SIPA1L1: variants seen among roughly 807,000 people sequenced by gnomAD.
The protein encoded by SIPA1L1 is signal induced proliferation associated 1 like 1.
SIPA1L1 carries 26 observed loss-of-function variants against 162.7 expected under a neutral mutation model. The observed-to-expected ratio is 0.16, with a 90% CI of 0.12 to 0.22. SIPA1L1 has a LOEUF of 0.22. Among genes scored for constraint, SIPA1L1 ranks in the 10% least tolerant of loss-of-function variants. The probability of loss-of-function intolerance (pLI) is 1.00; values close to 1 mark genes in which losing one functional copy is unlikely to be tolerated. For synonymous variants in SIPA1L1, 829 were observed against 837.4 expected (o/e 0.99, Z 0.17); for missense variants, 1,874 against 2,241.0 (o/e 0.84, Z 3.31).
intron 2 of SIPA1L1, among the ~76,000 whole-genome samples, chr14:71,323,658 C>T (rs985085476): frequency 6.6e-6 from 1 of 152,052 alleles, no homozygotes; most frequent in Non-Finnish European, 1.5e-5. Context: ...TGGATCAAAT[C>T]ATGGAAGTTC....
At chr14:71,541,403 A>G (rs149640945) in intron 4 of SIPA1L1, among the ~76,000 whole-genome samples, 209 of 152,334 alleles carry the variant, frequency 1.4e-3, no homozygotes, top group Non-Finnish European at 2.5e-3. Context: ...ACTTGTTAAA[A>G]GTAGCAAAAC....
intron 4 of SIPA1L1, among the ~76,000 whole-genome samples, chr14:71,541,383 A>G (rs1216744788): frequency 6.6e-6 from 1 of 152,244 alleles, no homozygotes; most frequent in Non-Finnish European, 1.5e-5. Context: ...AAAGACCCAA[A>G]TGCATAGTTA....
chr14:71,357,074 G>C (rs545942672), intron 2 of SIPA1L1, among the ~76,000 whole-genome samples: 21 of 152,212 alleles, frequency 1.4e-4, no homozygotes, highest in African/African-American at 5.1e-4. Flanking sequence ...ATGTGTTAGA[G>C]ACAGGGTCTT....
chr14:71,530,648 A>G (rs148120274), intron 4 of SIPA1L1, among the ~76,000 whole-genome samples: 209 of 152,304 alleles, frequency 1.4e-3, no homozygotes, highest in Non-Finnish European at 2.5e-3. Context: ...TCAACACTCT[A>G]TAGAGAAATC....
At chr14:71,505,042 G>A (rs1192519932) in intron 2 of SIPA1L1, among the ~76,000 whole-genome samples, 1 of 152,140 alleles carries the variant, frequency 6.6e-6, no homozygotes, top group Non-Finnish European at 1.5e-5. Context: ...GAGCCATTTT[G>A]TAGTTTTCAT....
At chr14:71,423,630 A>G (rs906925549) in intron 2 of SIPA1L1, among the ~76,000 whole-genome samples, 1 of 152,084 alleles carries the variant, frequency 6.6e-6, no homozygotes, top group Non-Finnish European at 1.5e-5. Flanking sequence ...ATGTATGCAA[A>G]AGCTTATTCT....
intron 4 of SIPA1L1, among the ~76,000 whole-genome samples, chr14:71,551,646 A>G (rs150103617): frequency 1.4e-3 from 218 of 152,318 alleles, no homozygotes; most frequent in Non-Finnish European, 2.2e-3. Flanking sequence ...GTGATGTGGA[A>G]CCTGCAACCT....
At chr14:71,620,296 C>T (rs1468542678) in intron 6 of SIPA1L1, among the ~76,000 whole-genome samples, 4 of 152,012 alleles carry the variant, frequency 2.6e-5, no homozygotes, top group South Asian at 4.2e-4. Context: ...CTCGAACTCC[C>T]GACCTCAGGT....
intron 10 of SIPA1L1, among the ~76,000 whole-genome samples, chr14:71,669,219 C>A (rs541123569): frequency 6.6e-6 from 1 of 152,168 alleles, no homozygotes; most frequent in Non-Finnish European, 1.5e-5. Context: ...GGATTCAGTT[C>A]TTTTCCTCAC....
At chr14:71,693,687 C>G (rs966313346) in intron 13 of SIPA1L1, among the ~76,000 whole-genome samples, 1 of 151,870 alleles carries the variant, frequency 6.6e-6, no homozygotes, top group African/African-American at 2.4e-5. Flanking sequence ...ATTACATCAC[C>G]TTGAATTGTT....
chr14:71,420,466 C>T (rs1262769724), intron 2 of SIPA1L1, among the ~76,000 whole-genome samples: 5 of 152,316 alleles, frequency 3.3e-5, no homozygotes, highest in Admixed American at 2.6e-4. Context: ...ACCAAAGCAA[C>T]TCATCTTTGT....
chr14:71,330,771 C>G, intron 2 of SIPA1L1: 1 of 763,514 alleles, frequency 1.3e-6, no homozygotes, highest in Non-Finnish European at 2.4e-6. Flanking sequence ...CGGGCAAGGC[C>G]CAGTGGGCTG....
At chr14:71,605,460 G>A (rs2037376458) in intron 5 of SIPA1L1, among the ~76,000 whole-genome samples, 1 of 151,994 alleles carries the variant, frequency 6.6e-6, no homozygotes, top group Admixed American at 6.6e-5. Flanking sequence ...TGGTTTCTAT[G>A]TCCTTACATT....
At position 71,593,622 on chromosome 14, in the gene SIPA1L1, TGAG is replaced by T. The variant is rs527600573; in HGVS notation, c.1498+4259_1498+4261del. ...GTTGCCTATATCCTGCATAGCTTGT[TGAG>T]GAGGAGACCCTTTCCAAGCCATTAC... On this transcript the variant is annotated intron_variant, in intron 5 of 23. Coordinates refer to ENST00000381232, the MANE Select transcript of SIPA1L1 (RefSeq NM_001386936.1). 2.0e-4 allele frequency among the ~76,000 whole-genome samples: 31 copies of T among 152,330 alleles called. No homozygotes were observed. The East Asian group carries it at 4.6e-3, about 23-fold the overall frequency.
intron 2 of SIPA1L1, among the ~76,000 whole-genome samples, chr14:71,511,472 A>G (rs949050836): frequency 6.0e-5 from 9 of 151,224 alleles, no homozygotes; most frequent in African/African-American, 1.2e-4. Context: ...TTTTTTTTGC[A>G]GAGTTGGGGT....
intron 10 of SIPA1L1, among the ~76,000 whole-genome samples, chr14:71,664,264 A>G (rs546941987): frequency 1.6e-4 from 25 of 152,286 alleles, no homozygotes; most frequent in African/African-American, 5.8e-4. Flanking sequence ...TACTAGGGAT[A>G]TGAATTTATA....
intron 4 of SIPA1L1, among the ~76,000 whole-genome samples, chr14:71,571,845 G>C (rs2147015058): frequency 6.6e-6 from 1 of 151,212 alleles, no homozygotes; most frequent in East Asian, 1.9e-4. Flanking sequence ...GTAGAGATGG[G>C]GTTTCACCGT....
chr14:71,480,506 A>T (rs910962894), intron 2 of SIPA1L1, among the ~76,000 whole-genome samples: 2 of 151,308 alleles, frequency 1.3e-5, no homozygotes, highest in African/African-American at 4.9e-5. Context: ...TCACGCCTGT[A>T]ATCCCAGCAT....
chr14:71,715,353 A>G (rs1803686675), intron 17 of SIPA1L1, among the ~76,000 whole-genome samples: 1 of 152,242 alleles, frequency 6.6e-6, no homozygotes, highest in South Asian at 2.1e-4. Context: ...TTTAAGGTGC[A>G]CAAATTAAAC....
Sources: allele counts gnomAD v4.1 joint callset (sites outside exome capture counted in the v4.1 genomes callset), GRCh38; gene constraint gnomAD v4.1.1; transcripts MANE v1.5; gene names NCBI Gene and HGNC (gene_info 2026-07-23, HGNC 2026-07-21).